The following ZZEF1 variants were observed in gnomAD, a reference collection of about 807,000 sequenced individuals.
ZZEF1 encodes zinc finger ZZ-type and EF-hand domain containing 1, also known as zinc finger ZZ-type and EF-hand domain-containing protein 1.
In ZZEF1, 157 loss-of-function variants were observed where a neutral mutation model predicts 342.8. The ratio of observed to expected loss-of-function variants is 0.46; its 90% CI spans 0.40 to 0.52. The LOEUF is 0.52. Ranked by LOEUF, ZZEF1 falls within the 20% of genes least tolerant of loss-of-function variation. The probability of loss-of-function intolerance (pLI) is 0.00; values close to 1 mark genes in which losing one functional copy is unlikely to be tolerated. For synonymous variants in ZZEF1, 1,505 were observed against 1,429.1 expected, an observed-to-expected ratio of 1.05 and a Z score of -1.20; for missense variants, 3,480 against 3,725.6, an observed-to-expected ratio of 0.93 and a Z score of 1.72.
intron 46 of ZZEF1, among the ~76,000 whole-genome samples, 187 bp from the exon 47 acceptor site, chr17:4,018,158 G>T (rs1430937406): frequency 6.6e-6 from 1 of 152,104 alleles, no homozygotes; most frequent in African/African-American, 2.4e-5. Flanking sequence ...ATGCATGTAT[G>T]CTCTGTGGCA....
At position 4,070,771 on chromosome 17, in the gene ZZEF1, C is replaced by G; in HGVS notation, c.3988G>C (p.Gly1330Arg). The change falls in exon 26 of 55, where the codon GGT becomes CGT. Residue 1330 changes from glycine (G) to arginine (R), a missense_variant. Gly to Arg is a moderately radical substitution (Grantham distance 125). Coordinates refer to ENST00000381638, the MANE Select transcript of ZZEF1 (RefSeq NM_015113.4). ...KQAPKTDIVA[G>R]STIDQAVNAT... ...TTCACAGCTTGATCAATAGTGGAACCAGCAACTATATCTGTCTTTGGGGCC... is the reference window on the plus strand; with the variant it reads ...TTCACAGCTTGATCAATAGTGGAACGAGCAACTATATCTGTCTTTGGGGCC... 6.2e-7 allele frequency: 1 copy of G among 1,614,014 alleles called. No homozygotes were observed. Among genetic ancestry groups the G allele is most frequent in the Non-Finnish European group, 8.5e-7 (1 of 1,180,012 alleles).
Position 4,017,953 on chromosome 17 carries a change from G to A in ZZEF1, c.7524C>T (p.Leu2508=). The A allele has an allele frequency of 2.5e-6, 4 of 1,613,722 alleles. No homozygotes were observed. The highest frequency in any genetic ancestry group is 2.2e-5 in the East Asian group (1 of 44,884). The change falls in exon 47 of 55, where the codon CTC becomes CTT. Residue 2508 remains leucine, a synonymous_variant. Transcript: ENST00000381638. The surrounding 1 kb of genome is among the most constrained non-coding windows in gnomAD (Gnocchi z 5.1). ...GGGACCGTATCCTTTCATCTGTGGT[G>A]AGCTCATCACCATCAAACCTGCAGA... The part of the protein sequence containing the change: ...EVQKRFDGDE[L]TTDERIRSLA...
intron 27 of ZZEF1, 68 bp from the exon 28 acceptor site, chr17:4,066,608 T>C (rs944446491): frequency 9.3e-6 from 13 of 1,392,974 alleles, no homozygotes; most frequent in Non-Finnish European, 1.1e-5. Flanking sequence ...CATGGCAAAC[T>C]ACTTCAAAAG....
intron 38 of ZZEF1, 64 bp from the exon 39 acceptor site, chr17:4,042,632 A>C: frequency 6.6e-7 from 1 of 1,514,388 alleles, no homozygotes; most frequent in Non-Finnish European, 9.0e-7. Context: ...AGGCAAGTAA[A>C]CCACTGCACT....
intron 1 of ZZEF1, among the ~76,000 whole-genome samples, chr17:4,125,154 C>G (rs529349618): frequency 1.1e-4 from 16 of 152,122 alleles, no homozygotes; most frequent in Non-Finnish European, 2.1e-4. Flanking sequence ...CAAGACTTAC[C>G]TCACTTAGCA....
chr17:4,077,070 G>C (rs2057637215), intron 19 of ZZEF1, 81 bp from the exon 20 acceptor site: 1 of 1,353,906 alleles, frequency 7.4e-7, no homozygotes, highest in Admixed American at 3.0e-5. Flanking sequence ...CAAGAATAAA[G>C]AGACTCCAGA....
intron 1 of ZZEF1, among the ~76,000 whole-genome samples, chr17:4,141,716 GAAAGAAAAAAA>G (rs1764683712): frequency 3.9e-5 from 1 of 25,726 alleles, no homozygotes; most frequent in Non-Finnish European, 2.6e-4. Flanking sequence ...AAAGTTGAAA[GAAAGAAAAAAA>G]AAAAAAGCAA....
chr17:4,041,174 AG>A (rs1235715038), intron 39 of ZZEF1, among the ~76,000 whole-genome samples: 4 of 152,232 alleles, frequency 2.6e-5, no homozygotes, highest in Non-Finnish European at 5.9e-5. Flanking sequence ...CAATTCATCC[AG>A]GTGAAGAAAA....
intron 31 of ZZEF1, 109 bp from the exon 32 acceptor site, chr17:4,058,264 T>G (rs2057210113): frequency 8.3e-7 from 1 of 1,200,402 alleles, no homozygotes; most frequent in Non-Finnish European, 1.1e-6. Flanking sequence ...GAAGGGAACT[T>G]CACATTGCTG....
chr17:4,104,888 A>G, intron 7 of ZZEF1, 77 bp from the exon 8 acceptor site: 1 of 1,293,416 alleles, frequency 7.7e-7, no homozygotes, highest in Non-Finnish European at 1.1e-6. Flanking sequence ...CATGTAAGTG[A>G]TCAACACAAG....
At chr17:4,102,608 C>CA (rs1346386967) in intron 8 of ZZEF1, among the ~76,000 whole-genome samples, 193 bp from the exon 9 acceptor site, 3 of 152,138 alleles carry the variant, frequency 2.0e-5, no homozygotes, top group Non-Finnish European at 4.4e-5. Flanking sequence ...CTGAAAGAGA[C>CA]AAAGTACAGC....
At chr17:4,028,827 G>A (rs953301971) in intron 42 of ZZEF1, among the ~76,000 whole-genome samples, 4 of 152,296 alleles carry the variant, frequency 2.6e-5, no homozygotes, top group Non-Finnish European at 4.4e-5. Context: ...ACTAATCCAC[G>A]AATTTTGCTA....
At chr17:4,133,113 G>A (rs564186057) in intron 1 of ZZEF1, among the ~76,000 whole-genome samples, 19 of 152,148 alleles carry the variant, frequency 1.2e-4, no homozygotes, top group Non-Finnish European at 2.6e-4. Context: ...AGAAAATAAT[G>A]ATATTTGTAA....
rs1597862876 is a variant in ZZEF1 at position 4,081,058 on chromosome 17, A to G, written c.2829+318T>C. Among the ~76,000 whole-genome samples the G allele has an allele frequency of 2.6e-5, 4 of 152,010 alleles. No homozygotes were observed. The East Asian group carries it at 7.7e-4, about 29-fold the overall frequency. ...TCAAGACCAGCCTGGGCAACATAAG[A>G]GAGACTCCATCTCTACAAATAATTT... is the stretch of plus-strand genomic sequence containing the variant. On this transcript the variant is annotated intron_variant, in intron 18 of 54. Transcript: ENST00000381638.
Position 4,008,981 on chromosome 17 carries a change from G to GT in ZZEF1, c.8734-28dup. 6.5e-7 allele frequency: 1 copy of GT among 1,537,810 alleles called. No individual in the cohort carries two copies. Among genetic ancestry groups the GT allele is most frequent in the South Asian group, 1.2e-5 (1 of 84,042 alleles). On this transcript the variant is annotated intron_variant, in intron 53 of 54. Transcript: ENST00000381638. The surrounding 1 kb of genome is among the most constrained non-coding windows in gnomAD (Gnocchi z 4.2). ...TGCAGAGAGAGAGCAGGGGCTGTGA[G>GT]TGACAGCGCCAGATGCGCAGTGCAG...
intron 42 of ZZEF1, 87 bp from the exon 43 acceptor site, chr17:4,025,205 T>TA: frequency 7.8e-7 from 1 of 1,288,912 alleles, no homozygotes; most frequent in South Asian, 1.2e-5. Flanking sequence ...TAACATGCCT[T>TA]ACTAAAGTAG....
rs558308847 is a variant in ZZEF1, at chr17:4,030,398, G to A, written c.6892+1728C>T. Among the ~76,000 whole-genome samples, 9 of 152,270 alleles carry A rather than the reference G, an allele frequency of 5.9e-5. No individual in the cohort carries two copies. The East Asian group carries it at 7.7e-4, about 13-fold the overall frequency. ...AGTCCCTGACTTACAATGGTTCAACGTAATGATTTTTCAACCTTTATAATG... is the reference window on the plus strand; with the variant it reads ...AGTCCCTGACTTACAATGGTTCAACATAATGATTTTTCAACCTTTATAATG... On this transcript the variant is annotated intron_variant, in intron 42 of 54. Coordinates refer to ENST00000381638, the MANE Select transcript of ZZEF1 (RefSeq NM_015113.4).
Position 4,008,868 on chromosome 17 carries a change from G to A in ZZEF1, c.8805+15C>T, listed in dbSNP as rs756314654. 4.7e-5 allele frequency: 72 copies of A among 1,545,784 alleles called. No individual in the cohort carries two copies. Among genetic ancestry groups the A allele is most frequent in the Non-Finnish European group, 5.9e-5 (68 of 1,147,980 alleles). Reference sequence around the variant, plus strand: ...CCCAGCCTGGGGGCCAGCTCTGTTGGGGTGGAGAGAGTACCTGTGCCGCAC... The same window carrying A: ...CCCAGCCTGGGGGCCAGCTCTGTTGAGGTGGAGAGAGTACCTGTGCCGCAC... On this transcript the variant is annotated intron_variant, in intron 54 of 54. Transcript: ENST00000381638. The surrounding 1 kb of genome is among the most constrained non-coding windows in gnomAD (Gnocchi z 4.2).
intron 1 of ZZEF1, among the ~76,000 whole-genome samples, chr17:4,131,623 T>C (rs959804858): frequency 2.0e-5 from 3 of 151,648 alleles, no homozygotes; most frequent in African/African-American, 2.4e-5. Flanking sequence ...TACAAAAATA[T>C]ACAAAAATTT....
Sources: gnomAD v4.1 joint callset for allele counts (sites outside exome capture counted in the v4.1 genomes callset) on GRCh38, gnomAD v4.1.1 for gene constraint, Gnocchi (gnomAD v3.1) non-coding constraint, MANE v1.5 for transcripts, NCBI Gene and HGNC (gene_info 2026-07-23, HGNC 2026-07-21) for gene names.